Variants in LHFPL3 observed in about 807,000 individuals in gnomAD.
LHFPL3 encodes LHFPL tetraspan subfamily member 3.
In LHFPL3, 5 loss-of-function variants were observed where a neutral mutation model predicts 19.3. The observed-to-expected ratio is 0.26, with a 90% CI of 0.14 to 0.54. The LOEUF is 0.54. Ranked by LOEUF, LHFPL3 falls within the 20% of genes least tolerant of loss-of-function variation. LHFPL3 has a pLI of 0.94. For missense variants in LHFPL3, 249 were observed against 307.4 expected (o/e 0.81, Z 1.42); for synonymous variants, 133 against 126.2 (o/e 1.05, Z -0.36).
At chr7:104,337,678 A>ATAAT (rs1562868157) in intron 1 of LHFPL3, among the ~76,000 whole-genome samples, 1 of 152,220 alleles carries the variant, frequency 6.6e-6, no homozygotes, top group Non-Finnish European at 1.5e-5. Flanking sequence ...TTTCTGTAAT[A>ATAAT]TAATGCCTTT....
At chr7:104,477,777 G>T (rs573259509) in intron 1 of LHFPL3, among the ~76,000 whole-genome samples, 24 of 152,024 alleles carry the variant, frequency 1.6e-4, no homozygotes, top group African/African-American at 5.8e-4. Context: ...AGAAAGGAAT[G>T]CATTCCTACA....
intron 1 of LHFPL3, among the ~76,000 whole-genome samples, chr7:104,417,625 T>C (rs1312180650): frequency 6.6e-6 from 1 of 152,234 alleles, no homozygotes; most frequent in Non-Finnish European, 1.5e-5. Context: ...GCCATTGTTT[T>C]TGCTAAGGAT....
At chr7:104,828,348 C>A (rs1301642217) in intron 2 of LHFPL3, among the ~76,000 whole-genome samples, 1 of 151,878 alleles carries the variant, frequency 6.6e-6, no homozygotes, top group African/African-American at 2.4e-5. Context: ...TACTACCTGC[C>A]CACTGAATTC....
intron 1 of LHFPL3, among the ~76,000 whole-genome samples, chr7:104,620,292 G>C (rs1448685281): frequency 1.3e-5 from 2 of 152,126 alleles, no homozygotes; most frequent in Non-Finnish European, 2.9e-5. Flanking sequence ...CAGTGCTTTG[G>C]ATTTTTTCAT....
intron 1 of LHFPL3, among the ~76,000 whole-genome samples, chr7:104,685,125 A>G (rs4730034): frequency 0.49 from 74,914 of 151,942 alleles, 18,890 homozygotes; most frequent in East Asian, 0.59. Flanking sequence ...GAGGCGGGTG[A>G]ATCACGAGGT....
chr7:104,490,860 G>T (rs1230885374), intron 1 of LHFPL3, among the ~76,000 whole-genome samples: 1 of 151,950 alleles, frequency 6.6e-6, no homozygotes, highest in Non-Finnish European at 1.5e-5. Context: ...TTTCCTTTTG[G>T]GTGCCACCTC....
chr7:104,433,920 A>G (rs1199776380), intron 1 of LHFPL3, among the ~76,000 whole-genome samples: 1 of 152,248 alleles, frequency 6.6e-6, no homozygotes, highest in African/African-American at 2.4e-5. Context: ...AACATTGTTA[A>G]ATCAATGGAT....
chr7:104,713,011 C>T (rs1793323717), intron 1 of LHFPL3, among the ~76,000 whole-genome samples: 1 of 152,140 alleles, frequency 6.6e-6, no homozygotes, highest in South Asian at 2.1e-4. Flanking sequence ...ATGTATGTTC[C>T]TCTTCTTTTT....
chr7:104,440,039 G>T (rs567097811), intron 1 of LHFPL3, among the ~76,000 whole-genome samples: 39 of 88,284 alleles, frequency 4.4e-4, no homozygotes, highest in African/African-American at 9.4e-4. Context: ...AAAGCCTGGG[G>T]GGGGGGAGGG....
chr7:104,636,970 C>T (rs1791739909), intron 1 of LHFPL3, among the ~76,000 whole-genome samples: 1 of 152,164 alleles, frequency 6.6e-6, no homozygotes, highest in African/African-American at 2.4e-5. Flanking sequence ...CACTGCTTTC[C>T]ACAATAGTTG....
At chr7:104,562,196 G>A (rs1462602487) in intron 1 of LHFPL3, among the ~76,000 whole-genome samples, 16 of 151,782 alleles carry the variant, frequency 1.1e-4, no homozygotes, top group South Asian at 8.3e-4. Context: ...TCTTTGTGGC[G>A]TTCTCTGTAT....
intron 1 of LHFPL3, among the ~76,000 whole-genome samples, chr7:104,558,482 G>T (rs1789908322): frequency 1.3e-5 from 2 of 152,124 alleles, no homozygotes; most frequent in Admixed American, 1.3e-4. Context: ...GTCTTCTTTT[G>T]AGAAGTGTCT....
At chr7:104,747,738 C>T (rs1447995849) in intron 2 of LHFPL3, among the ~76,000 whole-genome samples, 1 of 152,134 alleles carries the variant, frequency 6.6e-6, no homozygotes, top group Non-Finnish European at 1.5e-5. Flanking sequence ...CACTAAGTGA[C>T]ACCCACAGCA....
At chr7:104,882,031 C>T (rs1792069428) in intron 2 of LHFPL3, among the ~76,000 whole-genome samples, 1 of 152,182 alleles carries the variant, frequency 6.6e-6, no homozygotes, top group Non-Finnish European at 1.5e-5. Context: ...GAAACGAAAA[C>T]TTCTGTCTTT....
chr7:104,408,304 C>G (rs1228481615), intron 1 of LHFPL3, among the ~76,000 whole-genome samples: 1 of 151,802 alleles, frequency 6.6e-6, no homozygotes, highest in Non-Finnish European at 1.5e-5. Context: ...CTTTGTTATT[C>G]AATTTTAACC....
At position 104,750,104 on chromosome 7, in the gene LHFPL3, C is replaced by T. The variant is rs138926830; in HGVS notation, c.682+13193C>T. On this transcript the variant is annotated intron_variant, in intron 2 of 2. Coordinates refer to ENST00000424859, the MANE Select transcript of LHFPL3 (RefSeq NM_199000.3). The stretch of plus-strand genomic sequence containing the variant: ...GGAATTGAAGTAATCATTAGCTGAA[C>T]AGTACTTTCTTGATTATCTGGCCCT... Among the ~76,000 whole-genome samples, 511 of 152,300 alleles carry T rather than the reference C, an allele frequency of 3.4e-3. 1 individual carries two copies. Among genetic ancestry groups the T allele is most frequent in the African/African-American group, 0.011 (473 of 41,562 alleles).
chr7:104,334,687 A>G (rs1028314239), intron 1 of LHFPL3, among the ~76,000 whole-genome samples: 1 of 152,184 alleles, frequency 6.6e-6, no homozygotes, highest in Non-Finnish European at 1.5e-5. Context: ...TTTGATGACA[A>G]TGGTTGTGAC....
intron 1 of LHFPL3, among the ~76,000 whole-genome samples, chr7:104,683,636 G>A (rs1792752398): frequency 1.3e-5 from 2 of 152,154 alleles, no homozygotes; most frequent in African/African-American, 4.8e-5. Flanking sequence ...GGTTCCAGGA[G>A]GAGTGTGTGT....
intron 2 of LHFPL3, among the ~76,000 whole-genome samples, chr7:104,879,327 G>C (rs937839755): frequency 6.6e-6 from 1 of 152,088 alleles, no homozygotes; most frequent in Admixed American, 6.6e-5. Flanking sequence ...AAGGTGGGAG[G>C]ATTGCTTGAG....
Sources: allele counts gnomAD v4.1 joint callset (sites outside exome capture counted in the v4.1 genomes callset), GRCh38; gene constraint gnomAD v4.1.1; transcripts MANE v1.5; gene names NCBI Gene and HGNC (gene_info 2026-07-23, HGNC 2026-07-21).